INTS4: variants seen among roughly 807,000 people sequenced by gnomAD.
The protein encoded by INTS4 is MSTP093.
In INTS4, 70 loss-of-function variants were observed where a neutral mutation model predicts 119.5. The observed-to-expected ratio is 0.59, with a 90% CI of 0.48 to 0.71. The LOEUF (loss-of-function observed/expected upper bound fraction) is 0.71, where lower values mean the gene tolerates loss of function less well. Ranked by LOEUF, INTS4 falls within the 30% of genes least tolerant of loss-of-function variation. The probability of loss-of-function intolerance (pLI) is 0.00; values close to 1 mark genes in which losing one functional copy is unlikely to be tolerated. For missense variants in INTS4, 867 were observed against 1,173.2 expected (o/e 0.74, Z 3.81); for synonymous variants, 316 against 419.6 (o/e 0.75, Z 3.02).
chr11:77,877,495 C>T (rs1002746116), downstream of INTS4, among the ~76,000 whole-genome samples: 6 of 152,186 alleles, frequency 3.9e-5, no homozygotes, highest in African/African-American at 1.2e-4. Flanking sequence ...CAATTATCTT[C>T]GTTTCACAGA....
At chr11:77,979,619 A>G (rs772305404) in intron 3 of INTS4, among the ~76,000 whole-genome samples, 37 of 151,558 alleles carry the variant, frequency 2.4e-4, no homozygotes, top group Non-Finnish European at 4.3e-4. Context: ...CTATATACAT[A>G]GTGTGCTCCA....
chr11:77,964,403 T>TAA (rs1024264057), intron 4 of INTS4, among the ~76,000 whole-genome samples: 1 of 145,640 alleles, frequency 6.9e-6, no homozygotes, highest in Admixed American at 7.0e-5. Flanking sequence ...CCATCTCTAC[T>TAA]AAAAAAAAAA....
In INTS4 at chr11:77,951,766, C is replaced by T. The variant is rs185777579; in HGVS notation, c.918+4176G>A. 2.4e-3 allele frequency among the ~76,000 whole-genome samples: 361 copies of T among 152,132 alleles called. 1 individual carries two copies. The East Asian group carries it at 0.027, about 11-fold the overall frequency. On this transcript the variant is annotated intron_variant, in intron 8 of 22. Coordinates refer to ENST00000534064, the MANE Select transcript of INTS4 (RefSeq NM_033547.4). The stretch of plus-strand genomic sequence containing the variant: ...AGAAAATTTTTGCAATCTACTCATC[C>T]GACAAAGGGCTAATATCCCGAATCT...
At chr11:77,897,582 G>C (rs1188865190) in intron 18 of INTS4, among the ~76,000 whole-genome samples, 3 of 150,526 alleles carry the variant, frequency 2.0e-5, no homozygotes, top group African/African-American at 7.4e-5. Context: ...CTCACTGCAA[G>C]CTCCACCTCC....
rs576601589 is a variant in INTS4 at position 77,988,425 on chromosome 11, T to C, written c.246+2683A>G. Among the ~76,000 whole-genome samples, 3 of 152,268 alleles carry C rather than the reference T, an allele frequency of 2.0e-5. No homozygotes were observed. In the South Asian group the frequency reaches 6.2e-4, roughly 32 times the overall value. ...GTTCTTGATTCTGTAGAAACAACAATTAAAAAACATAAAAATCCCTGCTCA... is the reference window on the plus strand; with the variant it reads ...GTTCTTGATTCTGTAGAAACAACAACTAAAAAACATAAAAATCCCTGCTCA... On this transcript the variant is annotated intron_variant, in intron 2 of 22. Coordinates refer to ENST00000534064, the MANE Select transcript of INTS4 (RefSeq NM_033547.4).
At position 77,931,780 on chromosome 11, in the gene INTS4, A is replaced by C. The variant is rs576310022; in HGVS notation, c.1166-3233T>G. On this transcript the variant is annotated intron_variant, in intron 10 of 22. Coordinates refer to ENST00000534064, the MANE Select transcript of INTS4 (RefSeq NM_033547.4). ...GAACAGAATAGAGGCCTCAGAAATA[A>C]CACCACACATCTACAACCATCTGAT... is the stretch of plus-strand genomic sequence containing the variant. Among the ~76,000 whole-genome samples the C allele has an allele frequency of 4.6e-5, 7 of 152,330 alleles. No individual in the cohort carries two copies. In the South Asian group the frequency reaches 1.2e-3, roughly 27 times the overall value.
At chr11:77,947,289 T>C (rs754465705) in intron 8 of INTS4, among the ~76,000 whole-genome samples, 92 of 152,114 alleles carry the variant, frequency 6.0e-4, no homozygotes, top group Non-Finnish European at 1.2e-3. Context: ...AATACGGACA[T>C]CCAGATTCAG....
At chr11:77,935,011 C>G (rs1175122015) in intron 10 of INTS4, among the ~76,000 whole-genome samples, 3 of 152,154 alleles carry the variant, frequency 2.0e-5, no homozygotes, top group African/African-American at 4.8e-5. Flanking sequence ...TGTGGACAAT[C>G]AACATTACCT....
At chr11:77,935,722 C>G (rs970911547) in intron 10 of INTS4, among the ~76,000 whole-genome samples, 3 of 151,872 alleles carry the variant, frequency 2.0e-5, no homozygotes, top group South Asian at 4.2e-4. Context: ...ATGGCAAAAC[C>G]CCATCTCTAC....
intron 7 of INTS4, among the ~76,000 whole-genome samples, chr11:77,958,157 T>C (rs1954377643): frequency 6.6e-6 from 1 of 151,838 alleles, no homozygotes; most frequent in South Asian, 2.1e-4. Flanking sequence ...GGCAGTTTAA[T>C]GAACAGGAAA....
intron 22 of INTS4, among the ~76,000 whole-genome samples, chr11:77,880,735 A>G (rs919622176): frequency 6.6e-6 from 1 of 152,206 alleles, no homozygotes; most frequent in African/African-American, 2.4e-5. Context: ...AGGCAGGAGA[A>G]TCACTTGATC....
intron 7 of INTS4, 134 bp from the exon 8 acceptor site, chr11:77,956,196 C>A (rs1352985774): frequency 6.7e-6 from 6 of 893,580 alleles, no homozygotes; most frequent in Non-Finnish European, 1.0e-5. Context: ...ATTGCTTGAG[C>A]CCAAGAGTTC....
chr11:77,920,196 CAT>C (rs1198318119), intron 14 of INTS4, among the ~76,000 whole-genome samples: 7 of 147,414 alleles, frequency 4.7e-5, no homozygotes, highest in Admixed American at 3.4e-4. Flanking sequence ...CATATATATA[CAT>C]ATATATACAC....
chr11:77,889,695 G>A (rs1225011720), intron 21 of INTS4, among the ~76,000 whole-genome samples: 1 of 152,212 alleles, frequency 6.6e-6, no homozygotes, highest in African/African-American at 2.4e-5. Context: ...ACCTGAAGTA[G>A]TGCCTGGAAC....
rs1591149432 is a variant in INTS4 at position 77,986,597 on chromosome 11, C to T, written c.246+4511G>A. ...GACTTGGAAGTAACCCAAATGTCCA[C>T]CAACGATAGACTGGATTAAGAAAAT... is the stretch of plus-strand genomic sequence containing the variant. On this transcript the variant is annotated intron_variant, in intron 2 of 22. Coordinates refer to ENST00000534064, the MANE Select transcript of INTS4 (RefSeq NM_033547.4). Among the ~76,000 whole-genome samples, 7 of 152,238 alleles carry T rather than the reference C, an allele frequency of 4.6e-5. No homozygotes were observed. The South Asian group carries it at 1.5e-3, about 32-fold the overall frequency.
At chr11:77,915,703 G>A (rs970631537) in intron 15 of INTS4, among the ~76,000 whole-genome samples, 2 of 152,154 alleles carry the variant, frequency 1.3e-5, no homozygotes, top group African/African-American at 2.4e-5. Context: ...TGGTACTTAT[G>A]GCATATACTG....
At chr11:77,883,228 A>G (rs1272569168) in intron 22 of INTS4, among the ~76,000 whole-genome samples, 1 of 152,076 alleles carries the variant, frequency 6.6e-6, no homozygotes, top group African/African-American at 2.4e-5. Flanking sequence ...ACCATCTCCA[A>G]TTATTTGGGA....
chr11:77,877,062 GAA>G (rs1380478110), downstream of INTS4: 1 of 702,694 alleles, frequency 1.4e-6, no homozygotes, highest in Admixed American at 2.0e-5. Flanking sequence ...AAGCACACTA[GAA>G]AAGTCAGCTC....
At chr11:77,882,036 T>G (rs1411440100) in intron 22 of INTS4, among the ~76,000 whole-genome samples, 1 of 151,982 alleles carries the variant, frequency 6.6e-6, no homozygotes, top group East Asian at 1.9e-4. Flanking sequence ...CTCAGCCTCC[T>G]GAGTAGCTGG....
Sources: gnomAD v4.1 joint callset for allele counts (sites outside exome capture counted in the v4.1 genomes callset) on GRCh38, gnomAD v4.1.1 for gene constraint, MANE v1.5 for transcripts, NCBI Gene and HGNC (gene_info 2026-07-23, HGNC 2026-07-21) for gene names.